Variants in XDH observed in about 807,000 individuals in gnomAD.
The protein encoded by XDH is xanthine dehydrogenase/oxidase.
XDH carries 138 observed loss-of-function variants against 156.1 expected under a neutral mutation model. The observed-to-expected ratio is 0.88, with a 90% confidence interval of 0.77 to 1.02. The LOEUF is 1.02. XDH is among the 50% of genes least tolerant of loss of function. The probability of loss-of-function intolerance (pLI) is 0.00; values close to 1 mark genes in which losing one functional copy is unlikely to be tolerated. For synonymous variants in XDH, 669 were observed against 625.7 expected (o/e 1.07, Z -1.03); for missense variants, 1,849 against 1,684.9 (o/e 1.10, Z -1.71).
Position 31,350,230 on chromosome 2 carries a change from C to A in XDH, c.2632-7G>T. ...ATAAAGCTCGTTCCATAATCTGAAG[C>A]AGAGGAAACAAAAATGGGAGAGAAC... On this transcript the variant is annotated splice_polypyrimidine_tract_variant and splice_region_variant and intron_variant, in intron 24 of 35. Coordinates refer to ENST00000379416, the MANE Select transcript of XDH (RefSeq NM_000379.4). The A allele has an allele frequency of 6.2e-7, 1 of 1,614,102 alleles. No homozygotes were observed.
rs1685431597 is a variant in XDH at position 31,350,226 on chromosome 2, G to T, written c.2632-3C>A. On this transcript the variant is annotated splice_polypyrimidine_tract_variant and splice_region_variant and intron_variant, in intron 24 of 35. Coordinates refer to ENST00000379416, the MANE Select transcript of XDH (RefSeq NM_000379.4). ...TGGAATAAAGCTCGTTCCATAATCT[G>T]AAGCAGAGGAAACAAAAATGGGAGA... 1.2e-6 allele frequency: 2 copies of T among 1,614,070 alleles called. No homozygotes were observed. Among genetic ancestry groups the T allele is most frequent in the Non-Finnish European group, 1.7e-6 (2 of 1,180,050 alleles).
rs1428180502 is a variant in XDH, at chr2:31,397,703, T to C, written c.460A>G (p.Arg154Gly). 2 of 1,614,242 alleles carry C rather than the reference T, an allele frequency of 1.2e-6. No homozygotes were observed. Among genetic ancestry groups the C allele is most frequent in the Non-Finnish European group, 1.7e-6 (2 of 1,180,032 alleles). Residue 154 changes from arginine to glycine, a missense_variant, in exon 6 of 36, where the codon AGA becomes GGA. Arg to Gly is a moderately radical substitution (Grantham distance 125, BLOSUM62 -2). Transcript: ENST00000379416. ...GTCCGGAAGCCCTGGAGGATGGGTC[T>C]GTAGCCTGTGCAGCGGCACAGATTT... ...QGNLCRCTGY[R>G]PILQGFRTFA...
At chr2:31,384,723 G>A (rs1052849214) in intron 9 of XDH, among the ~76,000 whole-genome samples, 1 of 152,166 alleles carries the variant, frequency 6.6e-6, no homozygotes, top group African/African-American at 2.4e-5. Flanking sequence ...GGGGCCCTAG[G>A]CTTTGTGGAT....
intron 34 of XDH, 52 bp downstream of exon 34, chr2:31,339,437 G>A: frequency 6.2e-7 from 1 of 1,611,870 alleles, no homozygotes; most frequent in Non-Finnish European, 8.5e-7. Flanking sequence ...ACCCGCTGGG[G>A]CCTCCCCCAG....
chr2:31,373,628 C>A (rs1686141755), intron 16 of XDH, among the ~76,000 whole-genome samples: 1 of 151,794 alleles, frequency 6.6e-6, no homozygotes, highest in African/African-American at 2.4e-5. Context: ...AAAAAAAAAT[C>A]TGTAAGGAAG....
chr2:31,377,290 A>T (rs1686271003), intron 13 of XDH, 53 bp from the exon 14 acceptor site: 1 of 1,606,718 alleles, frequency 6.2e-7, no homozygotes, highest in African/African-American at 1.3e-5. Flanking sequence ...TAGGGGCTGC[A>T]AATGGCAGAC....
At chr2:31,391,246 C>T (rs45564434) in intron 6 of XDH, among the ~76,000 whole-genome samples, 3,728 of 152,198 alleles carry the variant, frequency 0.024, 136 homozygotes, top group African/African-American at 0.085. Flanking sequence ...TCCATCGTAT[C>T]GCCTTTTCTT....
chr2:31,370,369 A>C lies in XDH; in HGVS notation c.1966T>G (p.Phe656Val). The change falls in exon 18 of 36, where the codon TTT becomes GTT. Residue 656 changes from phenylalanine (F) to valine (V), a missense_variant. Phe to Val is a conservative substitution (Grantham distance 50). Coordinates refer to ENST00000379416, the MANE Select transcript of XDH (RefSeq NM_000379.4). ...CCAAGACTTACCTTATCCTTCGCAA[A>C]GACTGTCTCATCATTACAAATTCCA... is the stretch of plus-strand genomic sequence containing the variant. ...ITGICNDETV[F>V]AKDKVTCVGH... is the part of the protein sequence containing the mutation. 1 of 1,614,230 alleles carries C rather than the reference A, an allele frequency of 6.2e-7. No individual in the cohort carries two copies. The highest frequency in any genetic ancestry group is 2.2e-5 in the East Asian group (1 of 44,896).
At chr2:31,374,361 G>A (rs45469500) in intron 15 of XDH, among the ~76,000 whole-genome samples, 1 of 152,154 alleles carries the variant, frequency 6.6e-6, no homozygotes, top group African/African-American at 2.4e-5. Flanking sequence ...AGCAAAGGGG[G>A]ATTTAAAGCG....
In XDH at chr2:31,387,997, C is replaced by T. The variant is rs932937786; in HGVS notation, c.565-100G>A. On this transcript the variant is annotated intron_variant, in intron 7 of 35. Transcript: ENST00000379416. The stretch of plus-strand genomic sequence containing the variant: ...TCCTTCCAGCAAGCTCATTCCCAGC[C>T]CCCTGCAGGCTGCAAGAGGAGCAGG... 2.7e-5 allele frequency: 36 copies of T among 1,352,504 alleles called. 1 individual carries two copies. The East Asian group carries it at 5.2e-4, about 20-fold the overall frequency. 83.8% of individuals were successfully genotyped at this position (1,352,504 alleles called of 1,614,324 possible).
intron 16 of XDH, 103 bp from the exon 17 acceptor site, chr2:31,372,500 C>CATGTAGCTTCATGCTACATGGCA: frequency 1.3e-6 from 2 of 1,507,684 alleles, no homozygotes; most frequent in Non-Finnish European, 1.8e-6. Flanking sequence ...CAAAGGACAC[C>CATGTAGCTTCATGCTACATGGCA]AAGGGGTAAG....
At chr2:31,404,463 C>T (rs1278836856) in intron 2 of XDH, among the ~76,000 whole-genome samples, 1 of 152,122 alleles carries the variant, frequency 6.6e-6, no homozygotes, top group Non-Finnish European at 1.5e-5. Context: ...GCACAGATAG[C>T]CATAAGCTGC....
intron 34 of XDH, 25 bp downstream of exon 34, chr2:31,339,464 C>T (rs758316182): frequency 6.2e-7 from 1 of 1,613,406 alleles, no homozygotes; most frequent in South Asian, 1.1e-5. Context: ...TCAGAAGAGA[C>T]AGCACAGAGC....
chr2:31,352,599 G>A (rs1214640003), intron 24 of XDH, among the ~76,000 whole-genome samples: 5 of 152,166 alleles, frequency 3.3e-5, no homozygotes, highest in African/African-American at 4.8e-5. Context: ...CCTTCCTTAT[G>A]TAGCCACCCT....
chr2:31,353,727 A>C (rs1685550623), intron 24 of XDH, among the ~76,000 whole-genome samples: 1 of 152,234 alleles, frequency 6.6e-6, no homozygotes, highest in Admixed American at 6.5e-5. Flanking sequence ...AAACACTTTT[A>C]GACAATAAGT....
chr2:31,376,736 C>A lies in XDH; in HGVS notation c.1427+317G>T, dbSNP rs142495861. On this transcript the variant is annotated intron_variant, in intron 14 of 35. Transcript: ENST00000379416. ...GTAACAGTAGTAATTTTAGTAGAAG[C>A]AGCTGGAGTAGTAGCAATCATAATA... 2.3e-4 allele frequency among the ~76,000 whole-genome samples: 34 copies of A among 149,328 alleles called. No individual in the cohort carries two copies. In the East Asian group the frequency reaches 2.5e-3, roughly 11 times the overall value.
Position 31,337,648 on chromosome 2 carries a change from G to T in XDH, c.3944C>A (p.Thr1315Asn). 1 of 1,614,076 alleles carries T rather than the reference G, an allele frequency of 6.2e-7. No individual in the cohort carries two copies. The highest frequency in any genetic ancestry group is 8.5e-7 in the Non-Finnish European group (1 of 1,180,038). Residue 1315 changes from threonine (T) to asparagine (N), a missense_variant, in exon 35 of 36, where the codon ACC becomes AAC. Physicochemically the swap from Thr to Asn is moderately conservative, Grantham distance 65 (BLOSUM62 0). Coordinates refer to ENST00000379416, the MANE Select transcript of XDH (RefSeq NM_000379.4). ...KIRNACVDKFTTLCVTGVPEN... is the reference protein window; with the variant it reads ...KIRNACVDKFNTLCVTGVPEN... ...GCTTGAGGGGCATCATACCAGGGTG[G>T]TGAACTTGTCCACGCAGGCATTGCG...
chr2:31,361,455 G>A (rs992138), intron 24 of XDH, among the ~76,000 whole-genome samples: 5,924 of 152,254 alleles, frequency 0.039, 140 homozygotes, highest in Middle Eastern at 0.068. Context: ...GAAATCATAA[G>A]AAATGGACAA....
At chr2:31,371,069 C>T (rs185186881) in intron 17 of XDH, among the ~76,000 whole-genome samples, 159 of 152,322 alleles carry the variant, frequency 1.0e-3, no homozygotes, top group Non-Finnish European at 2.0e-3. Flanking sequence ...TTTGTCTCCC[C>T]ACATTCATTG....
Sources: gnomAD v4.1 joint callset for allele counts (sites outside exome capture counted in the v4.1 genomes callset) on GRCh38, gnomAD v4.1.1 for gene constraint, MANE v1.5 for transcripts, NCBI Gene and HGNC (gene_info 2026-07-23, HGNC 2026-07-21) for gene names.